The following ADAM22 variants were observed in gnomAD, a reference collection of about 807,000 sequenced individuals.
ADAM22 encodes the protein disintegrin and metalloproteinase domain-containing protein 22.
Under a neutral mutation model 144.6 loss-of-function variants are expected in ADAM22, and 65 were observed. The ratio of observed to expected loss-of-function variants is 0.45; its 90% CI spans 0.37 to 0.55. ADAM22 has a LOEUF of 0.55. Ranked by LOEUF, ADAM22 falls within the 20% of genes least tolerant of loss-of-function variation. The pLI is 0.00. For synonymous variants in ADAM22, 391 were observed against 412.6 expected (o/e 0.95, Z 0.63); for missense variants, 974 against 1,184.9 (o/e 0.82, Z 2.61).
At chr7:87,943,381 A>G (rs1385814764) in intron 2 of ADAM22, among the ~76,000 whole-genome samples, 1 of 151,870 alleles carries the variant, frequency 6.6e-6, no homozygotes, top group African/African-American at 2.4e-5. Context: ...ATAATCTTTT[A>G]TAATCTTTAC....
At chr7:88,128,731 T>A in intron 9 of ADAM22, 55 bp downstream of exon 9, 1 of 1,375,064 alleles carries the variant, frequency 7.3e-7, no homozygotes, top group Non-Finnish European at 1.0e-6. Flanking sequence ...AACTGGTGAG[T>A]GCAAAAATAT....
intron 3 of ADAM22, among the ~76,000 whole-genome samples, chr7:88,024,021 TATC>T (rs1179411600): frequency 3.3e-5 from 5 of 152,100 alleles, no homozygotes; most frequent in Non-Finnish European, 7.4e-5. Context: ...AATGAAAAAA[TATC>T]ATTCTTTTTT....
intron 3 of ADAM22, among the ~76,000 whole-genome samples, chr7:88,000,701 T>G (rs540261507): frequency 7.2e-5 from 11 of 152,280 alleles, no homozygotes; most frequent in Non-Finnish European, 1.5e-4. Flanking sequence ...ATTAATTCCT[T>G]AACAAAAATA....
chr7:87,988,715 CT>C (rs1322948955), intron 3 of ADAM22, among the ~76,000 whole-genome samples: 1 of 152,094 alleles, frequency 6.6e-6, no homozygotes, highest in African/African-American at 2.4e-5. Flanking sequence ...TTTGTGCTGC[CT>C]TTGCCCTTTT....
At chr7:88,073,550 A>G (rs1334743750) in intron 3 of ADAM22, among the ~76,000 whole-genome samples, 1 of 152,198 alleles carries the variant, frequency 6.6e-6, no homozygotes, top group Non-Finnish European at 1.5e-5. Flanking sequence ...GAGGTGAGGG[A>G]ACCAAAAGCT....
intron 2 of ADAM22, among the ~76,000 whole-genome samples, chr7:87,960,155 A>G (rs557323896): frequency 6.6e-6 from 1 of 152,338 alleles, no homozygotes; most frequent in Non-Finnish European, 1.5e-5. Flanking sequence ...TCAATCAACC[A>G]TGTGTTTCTG....
chr7:88,192,134 T>C (rs1306327268), intron 30 of ADAM22, among the ~76,000 whole-genome samples: 1 of 152,104 alleles, frequency 6.6e-6, no homozygotes, highest in African/African-American at 2.4e-5. Context: ...TCACAGCAGA[T>C]GAGGTACATT....
At chr7:87,999,339 G>T (rs2129455590) in intron 3 of ADAM22, among the ~76,000 whole-genome samples, 1 of 152,308 alleles carries the variant, frequency 6.6e-6, no homozygotes, top group East Asian at 1.9e-4. Context: ...CTGTGTGTGG[G>T]TGTATGTGTC....
At chr7:88,019,745 G>A (rs1379754096) in intron 3 of ADAM22, among the ~76,000 whole-genome samples, 2 of 151,732 alleles carry the variant, frequency 1.3e-5, no homozygotes, top group African/African-American at 4.8e-5. Flanking sequence ...AGTTACTCAG[G>A]AGGCTGAGGC....
At position 87,935,092 on chromosome 7, in the gene ADAM22, T is replaced by G; in HGVS notation, c.152T>G (p.Val51Gly). 3 of 1,614,140 alleles carry G rather than the reference T, an allele frequency of 1.9e-6. No homozygotes were observed. In the East Asian group the frequency reaches 6.7e-5, roughly 36 times the overall value. Residue 51 changes from valine to glycine, a missense_variant, in exon 2 of 32, where the codon GTG becomes GGG. Physicochemically the swap from Val to Gly is moderately radical, Grantham distance 109. Around this residue, in one of 2 missense-constraint regions of ADAM22, gnomAD observed 240 missense variants for 234.3 expected, o/e 1.02. Transcript: ENST00000413139. ...CGCTTCGTGGAGCGCCAGAGCATCG[T>G]GCCACTGCGCCTCATCTACCGCTCG... ...ENRFVERQSI[V>G]PLRLIYRSGG...
At chr7:88,139,270 T>C (rs1262409339) in intron 14 of ADAM22, among the ~76,000 whole-genome samples, 2 of 151,976 alleles carry the variant, frequency 1.3e-5, no homozygotes, top group African/African-American at 4.8e-5. Context: ...GTACAAAAAT[T>C]AGCTGGATAT....
At chr7:88,080,407 A>G (rs1355581733) in intron 4 of ADAM22, among the ~76,000 whole-genome samples, 2 of 152,342 alleles carry the variant, frequency 1.3e-5, no homozygotes, top group African/African-American at 4.8e-5. Flanking sequence ...AAGGTGTAAA[A>G]TTGACACCCT....
intron 4 of ADAM22, among the ~76,000 whole-genome samples, chr7:88,093,525 CT>C (rs1272630225): frequency 6.6e-6 from 1 of 151,938 alleles, no homozygotes; most frequent in East Asian, 1.9e-4. Context: ...TGTTTTGTTT[CT>C]TTTTTTCTTT....
chr7:88,153,603 T>C (rs758765059), intron 21 of ADAM22, among the ~76,000 whole-genome samples: 3 of 152,176 alleles, frequency 2.0e-5, no homozygotes, highest in Non-Finnish European at 4.4e-5. Context: ...GCAAAAGAAC[T>C]TAAAGCCACC....
intron 6 of ADAM22, 21 bp downstream of exon 6, chr7:88,114,668 T>C (rs1193968944): frequency 6.2e-7 from 1 of 1,611,490 alleles, no homozygotes; most frequent in East Asian, 2.2e-5. Flanking sequence ...CTTCTGTTTG[T>C]TGTGGCAAAT....
intron 26 of ADAM22, among the ~76,000 whole-genome samples, chr7:88,173,201 C>T (rs1844779618): frequency 1.3e-5 from 2 of 151,906 alleles, no homozygotes; most frequent in South Asian, 4.1e-4. Flanking sequence ...AGAGAGATAT[C>T]GTTAAGAACA....
chr7:87,966,726 T>TG (rs1562874061), intron 2 of ADAM22, among the ~76,000 whole-genome samples: 5 of 124,758 alleles, frequency 4.0e-5, no homozygotes, highest in African/African-American at 1.5e-4. Flanking sequence ...AAGCCGTTTT[T>TG]TTTTTTTTTT....
intron 3 of ADAM22, among the ~76,000 whole-genome samples, chr7:87,987,562 G>C (rs1190173696): frequency 6.6e-6 from 1 of 152,204 alleles, no homozygotes; most frequent in Admixed American, 6.5e-5. Context: ...TGCCAGGTTT[G>C]ACACATTGGG....
chr7:88,082,766 T>C (rs1429073320), intron 4 of ADAM22, among the ~76,000 whole-genome samples: 2 of 151,872 alleles, frequency 1.3e-5, no homozygotes, highest in African/African-American at 4.8e-5. Flanking sequence ...ATCAGAGAAA[T>C]GCAAATCAAA....
Sources: gnomAD v4.1 joint callset for allele counts (sites outside exome capture counted in the v4.1 genomes callset) on GRCh38, gnomAD v4.1.1 for gene constraint, gnomAD v4.1.1 regional missense constraint, MANE v1.5 for transcripts, NCBI Gene and HGNC (gene_info 2026-07-23, HGNC 2026-07-21) for gene names.